DPP6: variants seen among roughly 807,000 people sequenced by gnomAD.
DPP6 encodes the protein A-type potassium channel modulatory protein DPP6.
A neutral mutation model predicts 122.6 loss-of-function variants in DPP6; 69 were observed. The ratio of observed to expected loss-of-function variants is 0.56; its 90% CI spans 0.46 to 0.69. The LOEUF (loss-of-function observed/expected upper bound fraction) is 0.69. Ranked by LOEUF, DPP6 falls within the 30% of genes least tolerant of loss-of-function variation. The probability of loss-of-function intolerance (pLI) is 0.00; values close to 1 mark genes in which losing one functional copy is unlikely to be tolerated. For synonymous variants in DPP6, 418 were observed against 433.1 expected (o/e 0.97, Z 0.43); for missense variants, 928 against 1,116.9 (o/e 0.83, Z 2.41).
At chr7:154,026,310 A>G (rs969253487) in intron 1 of DPP6, 2 of 151,844 alleles carry the variant, frequency 1.3e-5, no homozygotes, top group Non-Finnish European at 2.9e-5. Flanking sequence ...ACTCTGCCCC[A>G]TGTACCTTTT....
the DPP6 span, among the ~76,000 whole-genome samples, chr7:153,787,091 A>C: frequency 7.7e-5 from 11 of 143,408 alleles, no homozygotes; most frequent in African/African-American, 2.8e-4. Flanking sequence ...AGCTGGGACT[A>C]CAGGTGCCCA....
chr7:154,646,913 C>T (rs990446723), intron 6 of DPP6, among the ~76,000 whole-genome samples: 2 of 152,208 alleles, frequency 1.3e-5, no homozygotes, highest in African/African-American at 4.8e-5. Context: ...ATTGCAGCTA[C>T]TCTTTTCAGT....
At chr7:154,865,907 C>T (rs3778740) in intron 17 of DPP6, among the ~76,000 whole-genome samples, 3 of 151,986 alleles carry the variant, frequency 2.0e-5, no homozygotes, top group Non-Finnish European at 2.9e-5. Flanking sequence ...CCATCTACCC[C>T]GGGTACCCAA....
rs529804720 is a variant in DPP6, at chr7:154,316,426, A to G, written c.244-129788A>G. On this transcript the variant is annotated intron_variant, in intron 1 of 25. Transcript: ENST00000377770. The stretch of plus-strand genomic sequence containing the variant: ...AACTGTTGAAAAATGGGCATTTTAC[A>G]TCACCAAAGCCCTTTTTTGTTGTTG... Among the ~76,000 whole-genome samples the G allele has an allele frequency of 5.3e-5, 8 of 152,358 alleles. No homozygotes were observed. The South Asian group carries it at 6.2e-4, about 12-fold the overall frequency.
At chr7:154,770,257 C>T (rs192166274) in intron 9 of DPP6, among the ~76,000 whole-genome samples, 5 of 152,274 alleles carry the variant, frequency 3.3e-5, no homozygotes, top group East Asian at 1.9e-4. Flanking sequence ...GTGAAAGGCA[C>T]GTCTTACATG....
intron 1 of DPP6, among the ~76,000 whole-genome samples, chr7:154,217,430 T>C (rs927576666): frequency 2.0e-5 from 3 of 152,330 alleles, no homozygotes; most frequent in East Asian, 1.9e-4. Flanking sequence ...AGTGCTTTTG[T>C]CAACTGCAAA....
rs908254897 is a variant in DPP6, at chr7:154,863,004, TCCTC to T, written c.1715-4988_1715-4985del. 6.6e-6 allele frequency among the ~76,000 whole-genome samples: 1 copy of T among 152,010 alleles called. No individual in the cohort carries two copies. Among genetic ancestry groups the T allele is most frequent in the African/African-American group, 2.4e-5 (1 of 41,382 alleles). ...TTTTTGACCTCCTGGGCTCAAGCAA[TCCTC>T]CCACCTCAGCCCCACAAGTAGCTGG... On this transcript the variant is annotated intron_variant, in intron 17 of 25. Coordinates refer to ENST00000377770, the MANE Select transcript of DPP6 (RefSeq NM_130797.4). This position sits in a 1 kb window ranked among gnomAD's most constrained non-coding sequence, Gnocchi z 4.1.
At chr7:153,967,257 G>A (rs773223011) in intron 1 of DPP6, among the ~76,000 whole-genome samples, 25 of 151,978 alleles carry the variant, frequency 1.6e-4, no homozygotes, top group Non-Finnish European at 3.2e-4. Context: ...TTTGCAGTTG[G>A]GGTCATATTC....
chr7:153,797,724 A>C, the DPP6 span, among the ~76,000 whole-genome samples: 1 of 152,144 alleles, frequency 6.6e-6, no homozygotes, highest in Non-Finnish European at 1.5e-5. Flanking sequence ...CCCAAGATCA[A>C]GGTGCCAGCA....
At chr7:154,097,325 G>A (rs1390752030) in intron 1 of DPP6, among the ~76,000 whole-genome samples, 2 of 152,352 alleles carry the variant, frequency 1.3e-5, no homozygotes, top group Non-Finnish European at 2.9e-5. Flanking sequence ...AACAGCAGGA[G>A]CAGCAGCAAT....
chr7:154,731,107 T>C (rs1209335757), intron 8 of DPP6, among the ~76,000 whole-genome samples: 1 of 152,190 alleles, frequency 6.6e-6, no homozygotes, highest in Non-Finnish European at 1.5e-5. Context: ...GCTTCCTTTT[T>C]TAATAATGGG....
intron 7 of DPP6, among the ~76,000 whole-genome samples, chr7:154,711,946 A>ACACACACACACAC (rs1443512392): frequency 2.6e-3 from 38 of 14,532 alleles, no homozygotes; most frequent in Non-Finnish European, 0.026. Context: ...TAATACACAC[A>ACACACACACACAC]CACACACACA....
chr7:154,128,846 A>G (rs372359563), intron 1 of DPP6, among the ~76,000 whole-genome samples: 53,846 of 138,904 alleles, frequency 0.39, 11,878 homozygotes, highest in Non-Finnish European at 0.49. Flanking sequence ...TGACCCTGGG[A>G]GGTATAACTA....
intron 1 of DPP6, among the ~76,000 whole-genome samples, chr7:154,055,171 A>G (rs1252412305): frequency 7.0e-6 from 1 of 143,238 alleles, no homozygotes; most frequent in East Asian, 2.0e-4. Flanking sequence ...CTCCCGATAT[A>G]TATATGCACA....
At chr7:154,383,406 A>G (rs1366197359) in intron 1 of DPP6, among the ~76,000 whole-genome samples, 1 of 152,234 alleles carries the variant, frequency 6.6e-6, no homozygotes, top group African/African-American at 2.4e-5. Context: ...CTTGCATTTG[A>G]GTTCGCATCG....
upstream of DPP6, among the ~76,000 whole-genome samples, chr7:153,884,987 A>AATACATACATATAT (rs1209555021): frequency 8.6e-5 from 10 of 116,466 alleles, no homozygotes; most frequent in East Asian, 2.2e-3. Context: ...TCAAAACAAA[A>AATACATACATATAT]ATATATATAT....
chr7:154,638,096 T>C (rs1050179318), intron 6 of DPP6, among the ~76,000 whole-genome samples: 1 of 152,136 alleles, frequency 6.6e-6, no homozygotes, highest in Admixed American at 6.5e-5. Context: ...GAAGCCCCCT[T>C]CCTAGAGCAA....
intron 1 of DPP6, among the ~76,000 whole-genome samples, chr7:154,266,579 A>G (rs75594926): frequency 0.038 from 5,851 of 152,310 alleles, 209 homozygotes; most frequent in East Asian, 0.16. Flanking sequence ...ATTCTGTCCC[A>G]AATAAAGGAC....
intron 1 of DPP6, among the ~76,000 whole-genome samples, chr7:154,223,514 C>T (rs1380442825): frequency 5.4e-5 from 8 of 149,314 alleles, no homozygotes; most frequent in African/African-American, 2.0e-4. Flanking sequence ...GTAACAGCCT[C>T]TGATAGTGGG....
Sources: gnomAD v4.1 joint callset for allele counts (sites outside exome capture counted in the v4.1 genomes callset) on GRCh38, gnomAD v4.1.1 for gene constraint, Gnocchi (gnomAD v3.1) non-coding constraint, MANE v1.5 for transcripts, NCBI Gene and HGNC (gene_info 2026-07-23, HGNC 2026-07-21) for gene names.